The following GXYLT2 variants were observed in gnomAD, a reference collection of about 807,000 sequenced individuals.
The protein encoded by GXYLT2 is glycosyltransferase 8 domain containing 4.
GXYLT2 carries 53 observed loss-of-function variants against 45.8 expected under a neutral mutation model. That is an observed-to-expected ratio of 1.16 (90% confidence interval 0.93 to 1.46). GXYLT2 has a LOEUF of 1.46. Ranked by LOEUF, GXYLT2 falls within the 40% of genes most tolerant of loss-of-function variation. The pLI is 0.00. For missense variants in GXYLT2, 551 were observed against 544.4 expected, an observed-to-expected ratio of 1.01 and a Z score of -0.12; for synonymous variants, 219 against 214.2, an observed-to-expected ratio of 1.02 and a Z score of -0.19.
intron 1 of GXYLT2, among the ~76,000 whole-genome samples, chr3:72,903,006 C>T (rs909075955): frequency 1.8e-4 from 28 of 151,928 alleles, no homozygotes; most frequent in African/African-American, 6.3e-4. Context: ...GGTGAGACTC[C>T]GTCTCAAAAA....
intron 3 of GXYLT2, 84 bp from the exon 4 acceptor site, chr3:72,955,014 C>G (rs1488744003): frequency 7.1e-7 from 1 of 1,408,854 alleles, no homozygotes; most frequent in Admixed American, 2.1e-5. Context: ...ATTTACCTAT[C>G]AGGCTACTTC....
Position 72,888,201 on chromosome 3 carries a change from G to T in GXYLT2, c.-33G>T, listed in dbSNP as rs1575769001. 6.1e-6 allele frequency: 6 copies of T among 984,450 alleles called. No individual in the cohort carries two copies. Among genetic ancestry groups the T allele is most frequent in the Admixed American group, 6.3e-5 (1 of 15,810 alleles). The allele number at this position is 984,450 out of a possible 1,614,324, so 61.0% of individuals were successfully genotyped here. The stretch of plus-strand genomic sequence containing the variant: ...CCGCGATGCGCAGAGGGGCCGAGCC[G>T]CCTGGGGGCCGCCGCCGCCGCCGCG... On this transcript the variant is annotated 5_prime_UTR_variant, in exon 1 of 7. Transcript: ENST00000389617.
Position 72,909,062 on chromosome 3 carries a change from C to CTTTTTTT in GXYLT2, c.468+521_468+527dup, listed in dbSNP as rs71126804. Among the ~76,000 whole-genome samples the CTTTTTTT allele has an allele frequency of 3.3e-3, 298 of 91,098 alleles. 8 individuals carry two copies. The highest frequency in any genetic ancestry group is 9.6e-3 in the African/African-American group (222 of 23,242). The allele number at this position is 91,098 out of a possible 152,430, so 59.8% of individuals were successfully genotyped here. On this transcript the variant is annotated intron_variant, in intron 2 of 6. Coordinates refer to ENST00000389617, the MANE Select transcript of GXYLT2 (RefSeq NM_001080393.2). ...CTTTTCTTTCTTTCTTTCTTCCTTT[C>CTTTTTTT]TTTTTTTTTTTTTTTTTTTTTTTTG...
At chr3:72,972,762 T>TA (rs778605805) in intron 6 of GXYLT2, among the ~76,000 whole-genome samples, 1,060 of 67,622 alleles carry the variant, frequency 0.016, 9 homozygotes, top group African/African-American at 0.038. Flanking sequence ...CTACAAAAAT[T>TA]AAAAAAAAAA....
intron 6 of GXYLT2, among the ~76,000 whole-genome samples, chr3:72,969,684 T>C (rs938815749): frequency 6.6e-6 from 1 of 152,068 alleles, no homozygotes; most frequent in African/African-American, 2.4e-5. Context: ...AACAGGATGA[T>C]TAGTTGTGAC....
chr3:72,920,213 C>T (rs1429596154), intron 2 of GXYLT2, among the ~76,000 whole-genome samples: 1 of 152,152 alleles, frequency 6.6e-6, no homozygotes, highest in Non-Finnish European at 1.5e-5. Flanking sequence ...TGGCTCACTG[C>T]AGCCTCCGCC....
At position 72,954,063 on chromosome 3, in the gene GXYLT2, C is replaced by T. The variant is rs1328353087; in HGVS notation, c.601-1035C>T. The stretch of plus-strand genomic sequence containing the variant: ...CCAAGAGCATGCCACTGCACTGCAA[C>T]CCGGACAACAGAGCAAGACCCTCAT... On this transcript the variant is annotated intron_variant, in intron 3 of 6. Transcript: ENST00000389617. 3.3e-5 allele frequency among the ~76,000 whole-genome samples: 5 copies of T among 152,202 alleles called. No individual in the cohort carries two copies. In the East Asian group the frequency reaches 9.7e-4, roughly 29 times the overall value.
chr3:72,889,968 C>A (rs1045417587), intron 1 of GXYLT2, among the ~76,000 whole-genome samples: 15 of 145,688 alleles, frequency 1.0e-4, no homozygotes, highest in African/African-American at 3.9e-4. Flanking sequence ...TGCCGTGCTG[C>A]GATCTCTGCT....
chr3:72,952,123 C>T (rs1340670163), intron 3 of GXYLT2, among the ~76,000 whole-genome samples: 2 of 151,900 alleles, frequency 1.3e-5, no homozygotes, highest in Non-Finnish European at 2.9e-5. Flanking sequence ...GTACCTCAGC[C>T]TCTCGAGTAT....
At chr3:72,952,332 T>C (rs958979240) in intron 3 of GXYLT2, among the ~76,000 whole-genome samples, 1 of 152,066 alleles carries the variant, frequency 6.6e-6, no homozygotes, top group Admixed American at 6.6e-5. Context: ...ATTTATGAAA[T>C]GGTAGATGAT....
intron 3 of GXYLT2, among the ~76,000 whole-genome samples, chr3:72,944,446 G>C (rs145043241): frequency 0.02 from 3,085 of 152,000 alleles, 111 homozygotes; most frequent in African/African-American, 0.07. Context: ...GTGGAGATGG[G>C]GTTTCACCAT....
At chr3:72,894,339 A>G (rs539063329) in intron 1 of GXYLT2, among the ~76,000 whole-genome samples, 7 of 152,278 alleles carry the variant, frequency 4.6e-5, no homozygotes, top group African/African-American at 1.2e-4. Flanking sequence ...TCTTGGGACT[A>G]TTGATGGAGA....
At chr3:72,901,304 A>AG (rs1709401237) in intron 1 of GXYLT2, among the ~76,000 whole-genome samples, 1 of 150,342 alleles carries the variant, frequency 6.7e-6, no homozygotes, top group African/African-American at 2.5e-5. Context: ...AAAAAAAAAA[A>AG]ACAATTAGCT....
Position 72,898,719 on chromosome 3 carries a change from G to A in GXYLT2, c.276-9648G>A, listed in dbSNP as rs529243943. Among the ~76,000 whole-genome samples the A allele has an allele frequency of 4.6e-5, 7 of 152,178 alleles. No homozygotes were observed. The South Asian group carries it at 1.5e-3, about 32-fold the overall frequency. On this transcript the variant is annotated intron_variant, in intron 1 of 6. Transcript: ENST00000389617. ...GTAGGGGCTTCATCTGCTCAGAGAGGGCTCTTTTTCTTTTCTTTTCTTTTT... is the reference window on the plus strand; with the variant it reads ...GTAGGGGCTTCATCTGCTCAGAGAGAGCTCTTTTTCTTTTCTTTTCTTTTT...
chr3:72,915,056 G>A (rs539287457), intron 2 of GXYLT2, among the ~76,000 whole-genome samples: 333 of 152,086 alleles, frequency 2.2e-3, no homozygotes, highest in Non-Finnish European at 3.6e-3. Flanking sequence ...AGGAGGCTGA[G>A]GCATGAGAAT....
intron 3 of GXYLT2, among the ~76,000 whole-genome samples, chr3:72,953,234 C>G (rs1710560408): frequency 6.6e-6 from 1 of 152,084 alleles, no homozygotes; most frequent in Non-Finnish European, 1.5e-5. Context: ...ATTCAAACTT[C>G]CGTGTCCTGA....
At chr3:72,921,180 A>T (rs7620918) in intron 2 of GXYLT2, among the ~76,000 whole-genome samples, 4,380 of 121,516 alleles carry the variant, frequency 0.036, 195 homozygotes, top group African/African-American at 0.2. Flanking sequence ...GTGAAGAAAT[A>T]AAAAAAAAAA....
At chr3:72,965,540 A>T (rs976679256) in intron 5 of GXYLT2, among the ~76,000 whole-genome samples, 2 of 152,212 alleles carry the variant, frequency 1.3e-5, no homozygotes, top group African/African-American at 4.8e-5. Context: ...GAAAAGCATC[A>T]AGCCGAGAAG....
intron 5 of GXYLT2, among the ~76,000 whole-genome samples, chr3:72,961,674 A>AAAAAAGG (rs1278781750): frequency 8.4e-6 from 1 of 118,978 alleles, no homozygotes; most frequent in Non-Finnish European, 1.7e-5. Context: ...AAAAAAAAAA[A>AAAAAAGG]AGAGAGAGAG....
Sources: gnomAD v4.1 joint callset for allele counts (sites outside exome capture counted in the v4.1 genomes callset) on GRCh38, gnomAD v4.1.1 for gene constraint, MANE v1.5 for transcripts, NCBI Gene and HGNC (gene_info 2026-07-23, HGNC 2026-07-21) for gene names.